The following SEMA3F variants were observed in gnomAD, a reference collection of about 807,000 sequenced individuals.
SEMA3F encodes the protein semaphorin 3F.
In SEMA3F, 30 loss-of-function variants were observed where a neutral mutation model predicts 98.5. That is an observed-to-expected ratio of 0.30 (90% CI 0.23 to 0.41). The LOEUF (loss-of-function observed/expected upper bound fraction) is 0.41, where lower values mean the gene tolerates loss of function less well. Among genes scored for constraint, SEMA3F ranks in the 10% least tolerant of loss-of-function variants. The pLI is 1.00. For synonymous variants in SEMA3F, 380 were observed against 444.8 expected (o/e 0.85, Z 1.83); for missense variants, 866 against 1,119.3 (o/e 0.77, Z 3.23).
intron 2 of SEMA3F, among the ~76,000 whole-genome samples, chr3:50,167,009 A>G (rs986261536): frequency 2.6e-5 from 4 of 152,086 alleles, no homozygotes; most frequent in African/African-American, 7.2e-5. Flanking sequence ...CCCCTTCAGA[A>G]CAATCCCCTC....
At position 50,174,345 on chromosome 3, in the gene SEMA3F, G is replaced by A. The variant is rs1317704982; in HGVS notation, c.451G>A (p.Ala151Thr). ...CACCTATGTGAACCGCGGACGCCGC[G>A]CCCAGGTAAGCCCCAGCCACCCTGG... Reference protein sequence around the residue: ...MCTYVNRGRRAQATPWTQTQA... With the variant: ...MCTYVNRGRRTQATPWTQTQA... Residue 151 changes from alanine (A) to threonine (T), a missense_variant, in exon 5 of 19, where the codon GCC becomes ACC. Around this residue, in one of 3 missense-constraint regions of SEMA3F, gnomAD observed 247 missense variants for 276.0 expected, o/e 0.89. Transcript: ENST00000002829. 9 of 1,610,784 alleles carry A rather than the reference G, an allele frequency of 5.6e-6. No homozygotes were observed. Among genetic ancestry groups the A allele is most frequent in the East Asian group, 2.2e-5 (1 of 44,830 alleles).
intron 12 of SEMA3F, chr3:50,184,208 C>T (rs919259151): frequency 1.1e-5 from 3 of 267,062 alleles, no homozygotes; most frequent in Non-Finnish European, 1.4e-5. Context: ...GGAGAGTGAG[C>T]CTGGTGTGTG....
At chr3:50,179,927 C>T (rs1164076806) in intron 7 of SEMA3F, among the ~76,000 whole-genome samples, 1 of 152,190 alleles carries the variant, frequency 6.6e-6, no homozygotes, top group East Asian at 1.9e-4. Context: ...GTTTGATCTT[C>T]CACGTAAACC....
chr3:50,162,314 A>G (rs11710277), intron 2 of SEMA3F, among the ~76,000 whole-genome samples: 8,041 of 152,338 alleles, frequency 0.053, 304 homozygotes, highest in Non-Finnish European at 0.077. Flanking sequence ...GTCTAGAGCC[A>G]GAAGGGTGTG....
chr3:50,156,368 G>T lies in SEMA3F; in HGVS notation c.-49+804G>T, dbSNP rs1697983854. On this transcript the variant is annotated intron_variant, in intron 1 of 18. Coordinates refer to ENST00000002829, the MANE Select transcript of SEMA3F (RefSeq NM_004186.5). This position sits in a 1 kb window ranked among gnomAD's most constrained non-coding sequence, Gnocchi z 4.5. Reference sequence around the variant, plus strand: ...GGAGTTGGCTGGAGCTGGGGCTGGGGGCCCCACTGGATAAATAACTCCTAA... The same window carrying T: ...GGAGTTGGCTGGAGCTGGGGCTGGGTGCCCCACTGGATAAATAACTCCTAA... 6.6e-6 allele frequency among the ~76,000 whole-genome samples: 1 copy of T among 152,160 alleles called. No individual in the cohort carries two copies. The highest frequency in any genetic ancestry group is 1.5e-5 in the Non-Finnish European group (1 of 68,020).
At chr3:50,171,845 C>A (rs939653693) in intron 2 of SEMA3F, among the ~76,000 whole-genome samples, 1 of 152,176 alleles carries the variant, frequency 6.6e-6, no homozygotes, top group Non-Finnish European at 1.5e-5. Flanking sequence ...CAGGCAGGAT[C>A]GGCCCTTTGA....
chr3:50,186,711 C>G lies in SEMA3F; in HGVS notation c.1912C>G (p.Leu638Val). 1 of 1,608,856 alleles carries G rather than the reference C, an allele frequency of 6.2e-7. No homozygotes were observed. Among genetic ancestry groups the G allele is most frequent in the Non-Finnish European group, 8.5e-7 (1 of 1,175,768 alleles). Residue 638 changes from leucine (L) to valine (V), a missense_variant, in exon 18 of 19, where the codon CTG becomes GTG. By Grantham distance (32) the Leu-to-Val change is conservative (BLOSUM62 1). Coordinates refer to ENST00000002829, the MANE Select transcript of SEMA3F (RefSeq NM_004186.5). ...PRSPQATVKW[L>V]FQRDPGDRRR... ...CTCGCCCCAAGCCACTGTTAAGTGGCTGTTCCAGCGAGATCCTGGTGACCG... is the reference window on the plus strand; with the variant it reads ...CTCGCCCCAAGCCACTGTTAAGTGGGTGTTCCAGCGAGATCCTGGTGACCG...
chr3:50,182,816 T>A lies in SEMA3F; in HGVS notation c.903+33T>A. ...TTGGCAGAGCCACCAGGCTGCCCCT[T>A]CCACCAGTTCTGGCTTCATCAGCCC... On this transcript the variant is annotated intron_variant, in intron 9 of 18. Transcript: ENST00000002829. This position sits in a 1 kb window ranked among gnomAD's most constrained non-coding sequence, Gnocchi z 4.5. The A allele has an allele frequency of 6.2e-7, 1 of 1,611,448 alleles. No individual in the cohort carries two copies. Among genetic ancestry groups the A allele is most frequent in the Non-Finnish European group, 8.5e-7 (1 of 1,178,834 alleles).
chr3:50,179,051 C>T (rs1244012625), intron 7 of SEMA3F, among the ~76,000 whole-genome samples: 1 of 151,974 alleles, frequency 6.6e-6, no homozygotes, highest in Non-Finnish European at 1.5e-5. Flanking sequence ...TCTCGATCTC[C>T]TGACCTCGTG....
chr3:50,183,479 T>G lies in SEMA3F; in HGVS notation c.1148T>G (p.Phe383Cys). 1 of 1,614,120 alleles carries G rather than the reference T, an allele frequency of 6.2e-7. No individual in the cohort carries two copies. Among genetic ancestry groups the G allele is most frequent in the Non-Finnish European group, 8.5e-7 (1 of 1,180,030 alleles). The part of the protein sequence containing the change: ...VYSMADIRMV[F>C]NGPFAHKEGP... The stretch of plus-strand genomic sequence containing the variant: ...TCCATGGCTGATATTCGCATGGTCT[T>G]CAACGGGCCCTTTGCCCACAAAGAG... Residue 383 changes from phenylalanine to cysteine, a missense_variant, in exon 12 of 19, where the codon TTC becomes TGC. Coordinates refer to ENST00000002829, the MANE Select transcript of SEMA3F (RefSeq NM_004186.5).
At chr3:50,180,684 T>C (rs1180247444) in intron 7 of SEMA3F, among the ~76,000 whole-genome samples, 1 of 152,216 alleles carries the variant, frequency 6.6e-6, no homozygotes, top group Non-Finnish European at 1.5e-5. Flanking sequence ...TGGGTGAGGT[T>C]CACGGTGCCC....
At chr3:50,164,950 T>C (rs1698348245) in intron 2 of SEMA3F, among the ~76,000 whole-genome samples, 1 of 152,210 alleles carries the variant, frequency 6.6e-6, no homozygotes. Flanking sequence ...CCAGGAGCGA[T>C]CCTGAGGCTG....
intron 6 of SEMA3F, among the ~76,000 whole-genome samples, chr3:50,176,515 G>T (rs1236666488): frequency 1.3e-5 from 2 of 152,192 alleles, no homozygotes; most frequent in Admixed American, 6.5e-5. Flanking sequence ...ACAAGGCAGG[G>T]CCCCTTGAGA....
intron 7 of SEMA3F, among the ~76,000 whole-genome samples, chr3:50,180,278 C>T (rs1485868680): frequency 6.6e-6 from 1 of 152,070 alleles, no homozygotes; most frequent in Non-Finnish European, 1.5e-5. Context: ...ATTTTCCTGC[C>T]GCAGCCTCCC....
chr3:50,170,294 G>A (rs970279243), intron 2 of SEMA3F, among the ~76,000 whole-genome samples: 1 of 152,198 alleles, frequency 6.6e-6, no homozygotes, highest in African/African-American at 2.4e-5. Flanking sequence ...CCTGTGGGTT[G>A]GGGATGGGGT....
rs1029988031 is a variant in SEMA3F, at chr3:50,186,764, G to T, written c.1947+18G>T. 5 of 1,576,620 alleles carry T rather than the reference G, an allele frequency of 3.2e-6. No individual in the cohort carries two copies. The highest frequency in any genetic ancestry group is 3.5e-6 in the Non-Finnish European group (4 of 1,153,882). On this transcript the variant is annotated intron_variant, in intron 18 of 18. Coordinates refer to ENST00000002829, the MANE Select transcript of SEMA3F (RefSeq NM_004186.5). ...GCCGAGAGGTGAGTTCCTGCGCCCG[G>T]TGCTGCACCGTGGATGTGAGTCCTT...
chr3:50,162,074 G>T (rs192086718), intron 2 of SEMA3F, among the ~76,000 whole-genome samples: 1 of 152,340 alleles, frequency 6.6e-6, no homozygotes, highest in Non-Finnish European at 1.5e-5. Context: ...GGACACAGCA[G>T]TTGACACCCC....
rs900134853 is a variant in SEMA3F at position 50,182,152 on chromosome 3, C to T, written c.644-132C>T. On this transcript the variant is annotated intron_variant, in intron 7 of 18. Transcript: ENST00000002829. The surrounding 1 kb of genome is among the most constrained non-coding windows in gnomAD (Gnocchi z 4.5). ...GCCAGTGGTGAAACACTGACCAGCA[C>T]TCCACTGGAGATAGGATCATGCCCC... 6.2e-6 allele frequency: 7 copies of T among 1,127,548 alleles called. No individual in the cohort carries two copies. In the East Asian group the frequency reaches 1.2e-4, roughly 20 times the overall value. 69.8% of individuals were successfully genotyped at this position (1,127,548 alleles called of 1,614,324 possible).
chr3:50,187,685 C>A lies in SEMA3F; in HGVS notation c.1948-20C>A. ...AGGGTGGTCACAGAGCCTCTGAACC[C>A]CCTCTCCTTGCCCCTGCAGATTCGT... On this transcript the variant is annotated intron_variant, in intron 18 of 18. Coordinates refer to ENST00000002829, the MANE Select transcript of SEMA3F (RefSeq NM_004186.5). 1 of 1,553,532 alleles carries A rather than the reference C, an allele frequency of 6.4e-7. No individual in the cohort carries two copies. Among genetic ancestry groups the A allele is most frequent in the African/African-American group, 1.4e-5 (1 of 73,964 alleles).
Sources: allele counts gnomAD v4.1 joint callset (sites outside exome capture counted in the v4.1 genomes callset), GRCh38; gene constraint gnomAD v4.1.1; regional missense constraint gnomAD v4.1.1; non-coding constraint Gnocchi (gnomAD v3.1); transcripts MANE v1.5; gene names NCBI Gene and HGNC (gene_info 2026-07-23, HGNC 2026-07-21).